Variants in CDC42EP4 observed in about 807,000 individuals in gnomAD.
CDC42EP4 encodes the protein CDC42 effector protein (Rho GTPase binding) 4.
In CDC42EP4, 6 loss-of-function variants were observed where a neutral mutation model predicts 5.6. The observed-to-expected ratio is 1.07, with a 90% CI of 0.59 to 2.12. The LOEUF (loss-of-function observed/expected upper bound fraction) is 2.12, where lower values mean the gene tolerates loss of function less well. Ranked by LOEUF, CDC42EP4 falls within the 30% of genes most tolerant of loss-of-function variation. The pLI is 0.00. For missense variants in CDC42EP4, 490 were observed against 508.6 expected, an observed-to-expected ratio of 0.96 and a Z score of 0.35; for synonymous variants, 230 against 224.2, an observed-to-expected ratio of 1.03 and a Z score of -0.23.
Position 73,285,770 on chromosome 17 carries a change from C to A in CDC42EP4, c.731G>T (p.Gly244Val). 6.3e-7 allele frequency: 1 copy of A among 1,598,502 alleles called. No individual in the cohort carries two copies. The highest frequency in any genetic ancestry group is 8.6e-7 in the Non-Finnish European group (1 of 1,167,612). ...EGEGGYHGDE[G>V]AAGTITQAPP... ...AGCCTGGGTGATGGTGCCAGCGGCG[C>A]CCTCATCGCCATGGTAACCACCCTC... Residue 244 changes from glycine (G) to valine (V), a missense_variant, in exon 2 of 2, where the codon GGC (glycine) becomes GTC (valine). Coordinates refer to ENST00000335793, the MANE Select transcript of CDC42EP4 (RefSeq NM_012121.5). The surrounding 1 kb of genome is among the most constrained non-coding windows in gnomAD (Gnocchi z 6.8).
At chr17:73,308,734 G>A (rs564952538) in intron 1 of CDC42EP4, among the ~76,000 whole-genome samples, 1 of 152,250 alleles carries the variant, frequency 6.6e-6, no homozygotes, top group African/African-American at 2.4e-5. Flanking sequence ...CTCTGGACTT[G>A]TTAAGAAGGG....
chr17:73,311,733 C>G (rs900028859), intron 1 of CDC42EP4, among the ~76,000 whole-genome samples, 160 bp downstream of exon 1: 3 of 152,232 alleles, frequency 2.0e-5, no homozygotes. Context: ...GCGCGAGCGC[C>G]GAGAAGTGGG....
chr17:73,297,860 T>C (rs28633277), intron 1 of CDC42EP4, among the ~76,000 whole-genome samples: 1 of 151,990 alleles, frequency 6.6e-6, no homozygotes, highest in Middle Eastern at 3.4e-3. Context: ...GGTTTCCCCA[T>C]GTTGACCAGG....
At position 73,285,805 on chromosome 17, in the gene CDC42EP4, G is replaced by A. The variant is rs775730917; in HGVS notation, c.696C>T (p.Pro232=). 28 of 1,604,546 alleles carry A rather than the reference G, an allele frequency of 1.7e-5. No homozygotes were observed. The highest frequency in any genetic ancestry group is 4.5e-5 in the East Asian group (2 of 44,564). ...CATGGTAACCACCCTCCCCCTCCTC[G>A]GGGTCCCACTCCTCCTTGTCCATGA... The part of the protein sequence containing the change: ...LSIMDKEEWD[P]EEGEGGYHGD... Residue 232 remains proline (P), a synonymous_variant, in exon 2 of 2, where the codon CCC becomes CCT. Transcript: ENST00000335793. The surrounding 1 kb of genome is among the most constrained non-coding windows in gnomAD (Gnocchi z 6.8).
intron 1 of CDC42EP4, among the ~76,000 whole-genome samples, chr17:73,297,255 T>C (rs1290890905): frequency 4.0e-5 from 6 of 149,288 alleles, no homozygotes; most frequent in East Asian, 2.0e-4. Flanking sequence ...GGTCGCGCCA[T>C]TGCACTCCAG....
chr17:73,297,997 A>G (rs1301337280), intron 1 of CDC42EP4, among the ~76,000 whole-genome samples: 2 of 69,600 alleles, frequency 2.9e-5, no homozygotes, highest in Admixed American at 1.3e-4. Context: ...AACAACAGCG[A>G]AAAAAAAAAA....
chr17:73,308,664 AG>A (rs2062256986), intron 1 of CDC42EP4, among the ~76,000 whole-genome samples: 1 of 152,122 alleles, frequency 6.6e-6, no homozygotes, highest in African/African-American at 2.4e-5. Context: ...GAAATCAATC[AG>A]TCACTCCAAA....
chr17:73,295,887 A>G (rs2145315907), intron 1 of CDC42EP4, among the ~76,000 whole-genome samples: 1 of 150,374 alleles, frequency 6.7e-6, no homozygotes, highest in South Asian at 2.1e-4. Flanking sequence ...CCCAGGCGAC[A>G]AGAGTGAAAC....
rs149950431 is a variant in CDC42EP4 at position 73,285,953 on chromosome 17, G to C, written c.548C>G (p.Ala183Gly). Residue 183 changes from alanine (A) to glycine (G), a missense_variant, in exon 2 of 2, where the codon GCC (alanine) becomes GGC (glycine). Transcript: ENST00000335793. The surrounding 1 kb of genome is among the most constrained non-coding windows in gnomAD (Gnocchi z 6.8). ...HSPDPLLDEQ[A>G]FGDLTDLPVV... The stretch of plus-strand genomic sequence containing the variant: ...AGGCAGATCTGTCAGATCCCCAAAG[G>C]CCTGCTCATCGAGGAGGGGGTCAGG... 5 of 1,613,686 alleles carry C rather than the reference G, an allele frequency of 3.1e-6. No homozygotes were observed. Among genetic ancestry groups the C allele is most frequent in the Non-Finnish European group, 4.2e-6 (5 of 1,180,004 alleles).
intron 1 of CDC42EP4, among the ~76,000 whole-genome samples, chr17:73,304,890 G>C (rs570761323): frequency 6.6e-6 from 1 of 152,138 alleles, no homozygotes; most frequent in Non-Finnish European, 1.5e-5. Context: ...GTCCATCCAG[G>C]GGAGCCTCCT....
At position 73,284,519 on chromosome 17, in the gene CDC42EP4, G is replaced by GGAC. The variant is rs1248577151; in HGVS notation, c.*910_*911insGTC. ...TTGAGCTGGTGTCTTTGCCACGGAT[G>GGAC]TCCCCAGACTCCAGTCCGCTAATCG... is the stretch of plus-strand genomic sequence containing the variant. On this transcript the variant is annotated 3_prime_UTR_variant, in exon 2 of 2. Transcript: ENST00000335793. 6.6e-6 allele frequency: 1 copy of GGAC among 152,096 alleles called. No homozygotes were observed. Among genetic ancestry groups the GGAC allele is most frequent in the Admixed American group, 6.6e-5 (1 of 15,264 alleles). The allele number at this position is 152,096 out of a possible 1,614,324, so 9.4% of individuals were successfully genotyped here.
In CDC42EP4 at chr17:73,286,600, G is replaced by A. The variant is rs539330908; in HGVS notation, c.-100C>T. On this transcript the variant is annotated 5_prime_UTR_variant, in exon 2 of 2. Coordinates refer to ENST00000335793, the MANE Select transcript of CDC42EP4 (RefSeq NM_012121.5). The surrounding 1 kb of genome is among the most constrained non-coding windows in gnomAD (Gnocchi z 7.7). ...CAGTGGGCAGAGGGGGACGCAATGA[G>A]GAGATCATAAGGCTGCAAGCAGAGA... 208 of 818,796 alleles carry A rather than the reference G, an allele frequency of 2.5e-4. No individual in the cohort carries two copies. Among genetic ancestry groups the A allele is most frequent in the Non-Finnish European group, 3.5e-4 (188 of 532,704 alleles). The allele number at this position is 818,796 out of a possible 1,614,324, so 50.7% of individuals were successfully genotyped here.
At chr17:73,293,567 G>A (rs1038844522) in intron 1 of CDC42EP4, among the ~76,000 whole-genome samples, 2 of 152,192 alleles carry the variant, frequency 1.3e-5, no homozygotes, top group African/African-American at 4.8e-5. Flanking sequence ...CCCCTAGGCG[G>A]AACTTCACTT....
At chr17:73,288,502 A>T (rs1057090371) in intron 1 of CDC42EP4, among the ~76,000 whole-genome samples, 2 of 149,442 alleles carry the variant, frequency 1.3e-5, no homozygotes, top group African/African-American at 2.5e-5. Context: ...CAGGTGATCC[A>T]CCCACCTCGG....
In CDC42EP4 at chr17:73,291,437, G is replaced by C. The variant is rs571310358; in HGVS notation, c.-112-4825C>G. 2.0e-5 allele frequency among the ~76,000 whole-genome samples: 3 copies of C among 152,284 alleles called. No homozygotes were observed. In the South Asian group the frequency reaches 6.2e-4, roughly 32 times the overall value. On this transcript the variant is annotated intron_variant, in intron 1 of 1. Coordinates refer to ENST00000335793, the MANE Select transcript of CDC42EP4 (RefSeq NM_012121.5). ...GGTTTCACCAGCCTTGAGTGACCTT[G>C]AGTCACTCTGAGCTTCTAACAGAGA...
At chr17:73,309,318 AACCTGGGTGACAGAGCAAG>A (rs1330260086) in intron 1 of CDC42EP4, among the ~76,000 whole-genome samples, 4 of 152,158 alleles carry the variant, frequency 2.6e-5, no homozygotes, top group African/African-American at 9.7e-5. Flanking sequence ...GCTGCACCAC[AACCTGGGTGACAGAGCAAG>A]ACCTGGTCTC....
rs139352547 is a variant in CDC42EP4, at chr17:73,286,722, A to C, written c.-112-110T>G. 4.2e-5 allele frequency: 23 copies of C among 551,608 alleles called. No homozygotes were observed. In the East Asian group the frequency reaches 6.6e-4, roughly 16 times the overall value. 34.2% of individuals were successfully genotyped at this position (551,608 alleles called of 1,614,324 possible). On this transcript the variant is annotated intron_variant, in intron 1 of 1. Transcript: ENST00000335793. This position sits in a 1 kb window ranked among gnomAD's most constrained non-coding sequence, Gnocchi z 7.7. ...AACCCCAGCGCTCCTACCAAAGTTA[A>C]ATGCTGTGAAATAAGCCAGCAATCC...
In CDC42EP4 at chr17:73,286,045, G is replaced by A. The variant is rs368076641; in HGVS notation, c.456C>T (p.Gly152=). 19 of 1,613,840 alleles carry A rather than the reference G, an allele frequency of 1.2e-5. No individual in the cohort carries two copies. The highest frequency in any genetic ancestry group is 6.7e-5 in the East Asian group (3 of 44,864). ...SPVKKANDGE[G]GDEEAGTEEA... ...CCTCCGTGCCCGCCTCCTCATCGCCGCCCTCCCCGTCATTGGCCTTCTTCA... is the reference window on the plus strand; with the variant it reads ...CCTCCGTGCCCGCCTCCTCATCGCCACCCTCCCCGTCATTGGCCTTCTTCA... Residue 152 remains glycine (G), a synonymous_variant, in exon 2 of 2, where the codon GGC becomes GGT. Transcript: ENST00000335793. This position sits in a 1 kb window ranked among gnomAD's most constrained non-coding sequence, Gnocchi z 7.7.
chr17:73,297,001 A>ACAAAAAAAC (rs1555741519), intron 1 of CDC42EP4, among the ~76,000 whole-genome samples: 1 of 61,774 alleles, frequency 1.6e-5, no homozygotes, highest in Non-Finnish European at 3.3e-5. Context: ...AAAAAAAAAA[A>ACAAAAAAAC]AAATACACAA....
Sources: gnomAD v4.1 joint callset for allele counts (sites outside exome capture counted in the v4.1 genomes callset) on GRCh38, gnomAD v4.1.1 for gene constraint, Gnocchi (gnomAD v3.1) non-coding constraint, MANE v1.5 for transcripts, NCBI Gene and HGNC (gene_info 2026-07-23, HGNC 2026-07-21) for gene names.